KSR2: variants seen among roughly 807,000 people sequenced by gnomAD.
KSR2 encodes the protein kinase suppressor of ras 2.
KSR2 carries 25 observed loss-of-function variants against 107.8 expected under a neutral mutation model. The ratio of observed to expected loss-of-function variants is 0.23; its 90% confidence interval spans 0.17 to 0.32. KSR2 has a LOEUF of 0.32. Ranked by LOEUF, KSR2 falls within the 10% of genes least tolerant of loss-of-function variation. The pLI, the probability that KSR2 is intolerant of heterozygous loss-of-function variation, is 1.00. For synonymous variants in KSR2, 480 were observed against 507.0 expected (o/e 0.95, Z 0.71); for missense variants, 887 against 1,268.9 (o/e 0.70, Z 4.57).
At position 117,556,855 on chromosome 12, in the gene KSR2, A is replaced by G. The variant is rs1024596704; in HGVS notation, c.1394-1562T>C. Among the ~76,000 whole-genome samples, 7 of 152,288 alleles carry G rather than the reference A, an allele frequency of 4.6e-5. No homozygotes were observed. The East Asian group carries it at 1.2e-3, about 25-fold the overall frequency. Reference sequence around the variant, plus strand: ...CAGCATGACTTTAAAAGATTTTAATAAACTGCTTACATTTAAAAATAAGCA... The same window carrying G: ...CAGCATGACTTTAAAAGATTTTAATGAACTGCTTACATTTAAAAATAAGCA... On this transcript the variant is annotated intron_variant, in intron 8 of 19. Coordinates refer to ENST00000339824, the MANE Select transcript of KSR2 (RefSeq NM_173598.6).
chr12:117,859,586 A>G (rs981377139), intron 2 of KSR2, among the ~76,000 whole-genome samples: 4 of 150,740 alleles, frequency 2.7e-5, no homozygotes, highest in Non-Finnish European at 4.4e-5. Context: ...CCTCCCAAGT[A>G]GCTAGGACCA....
intron 1 of KSR2, among the ~76,000 whole-genome samples, chr12:117,938,296 C>T (rs1215071731): frequency 3.3e-5 from 5 of 151,964 alleles, no homozygotes; most frequent in African/African-American, 9.7e-5. Context: ...ATGCATTTAA[C>T]GTAAAGTGGA....
intron 5 of KSR2, among the ~76,000 whole-genome samples, chr12:117,627,491 T>A (rs1304507280): frequency 6.6e-6 from 1 of 152,220 alleles, no homozygotes; most frequent in Non-Finnish European, 1.5e-5. Context: ...AAATTCTGGG[T>A]TGAAAATTCT....
chr12:117,809,203 G>C (rs928046078), intron 3 of KSR2, among the ~76,000 whole-genome samples: 3 of 152,138 alleles, frequency 2.0e-5, no homozygotes, highest in Non-Finnish European at 4.4e-5. Context: ...CATCACCAGA[G>C]GGGCTTAGAT....
chr12:117,834,735 A>T (rs548903166), intron 3 of KSR2, among the ~76,000 whole-genome samples: 33 of 152,316 alleles, frequency 2.2e-4, no homozygotes, highest in African/African-American at 7.7e-4. Flanking sequence ...ATATATGATA[A>T]TCACACTAAT....
At chr12:117,915,458 T>C (rs906992441) in intron 1 of KSR2, among the ~76,000 whole-genome samples, 12 of 152,324 alleles carry the variant, frequency 7.9e-5, no homozygotes, top group South Asian at 2.1e-4. Context: ...TTCAGTCCAT[T>C]ACACTTAAGA....
chr12:117,620,735 C>T (rs1176871948), intron 5 of KSR2, among the ~76,000 whole-genome samples: 1 of 152,194 alleles, frequency 6.6e-6, no homozygotes. Flanking sequence ...TCTCTGTGAG[C>T]TGTGACCAAT....
At chr12:117,651,150 G>A (rs1033980205) in intron 5 of KSR2, among the ~76,000 whole-genome samples, 5 of 152,150 alleles carry the variant, frequency 3.3e-5, no homozygotes, top group Non-Finnish European at 7.3e-5. Flanking sequence ...CCCAGAAATG[G>A]CAACATCCCC....
chr12:117,870,911 G>C (rs73404897), intron 1 of KSR2, among the ~76,000 whole-genome samples: 1 of 152,072 alleles, frequency 6.6e-6, no homozygotes. Context: ...GTACTCAGCC[G>C]AGCAGGGAAA....
At chr12:117,744,122 C>A (rs1465702194) in intron 4 of KSR2, among the ~76,000 whole-genome samples, 3 of 152,136 alleles carry the variant, frequency 2.0e-5, no homozygotes, top group Admixed American at 6.5e-5. Flanking sequence ...CATGGCATAG[C>A]GGAAAGACCT....
chr12:117,839,245 G>A (rs563119011), intron 3 of KSR2, among the ~76,000 whole-genome samples: 4 of 152,298 alleles, frequency 2.6e-5, no homozygotes, highest in African/African-American at 9.6e-5. Context: ...TCATTTGTTC[G>A]TTAATTCATT....
At chr12:117,941,484 A>G (rs1003425952) in intron 1 of KSR2, among the ~76,000 whole-genome samples, 4 of 152,160 alleles carry the variant, frequency 2.6e-5, no homozygotes, top group Non-Finnish European at 5.9e-5. Context: ...CCAGCCTCTT[A>G]GCTCATCATG....
At chr12:117,666,808 G>A (rs1011025148) in intron 5 of KSR2, among the ~76,000 whole-genome samples, 6 of 152,176 alleles carry the variant, frequency 3.9e-5, no homozygotes, top group Non-Finnish European at 7.3e-5. Flanking sequence ...TATTCAGTGG[G>A]GGTGCCCCTC....
intron 1 of KSR2, among the ~76,000 whole-genome samples, chr12:117,943,412 A>G (rs1896069825): frequency 6.9e-6 from 1 of 145,802 alleles, no homozygotes. Context: ...TTCTGACTCT[A>G]GAGATCCTAA....
Position 117,845,991 on chromosome 12 carries a change from G to C in KSR2, c.472+9437C>G, listed in dbSNP as rs1205036470. Among the ~76,000 whole-genome samples, 3 of 151,526 alleles carry C rather than the reference G, an allele frequency of 2.0e-5. No homozygotes were observed. The East Asian group carries it at 5.8e-4, about 29-fold the overall frequency. ...AGGCGTGAACCACCGCACCCACCCA[G>C]AACTGAGATCTCTCCAAAGAAAAAG... On this transcript the variant is annotated intron_variant, in intron 3 of 19. Coordinates refer to ENST00000339824, the MANE Select transcript of KSR2 (RefSeq NM_173598.6).
At chr12:117,771,399 T>C (rs549976930) in intron 3 of KSR2, among the ~76,000 whole-genome samples, 2 of 152,298 alleles carry the variant, frequency 1.3e-5, no homozygotes, top group South Asian at 4.1e-4. Context: ...CTGATTGATG[T>C]TTCATGTCTC....
At chr12:117,643,798 C>G (rs1883489620) in intron 5 of KSR2, among the ~76,000 whole-genome samples, 1 of 152,148 alleles carries the variant, frequency 6.6e-6, no homozygotes, top group Non-Finnish European at 1.5e-5. Context: ...TGCAGTGGAT[C>G]CACAGAACCA....
At chr12:117,941,069 A>G (rs1410363229) in intron 1 of KSR2, among the ~76,000 whole-genome samples, 1 of 152,148 alleles carries the variant, frequency 6.6e-6, no homozygotes, top group African/African-American at 2.4e-5. Flanking sequence ...TGGGTGACAG[A>G]GCAAGATTGT....
intron 1 of KSR2, among the ~76,000 whole-genome samples, chr12:117,901,182 C>CA (rs1411184544): frequency 6.7e-6 from 1 of 150,254 alleles, no homozygotes; most frequent in Non-Finnish European, 1.5e-5. Flanking sequence ...GGGAGGCTGC[C>CA]AAAAAAACGC....
Sources: allele counts gnomAD v4.1 joint callset (sites outside exome capture counted in the v4.1 genomes callset), GRCh38; gene constraint gnomAD v4.1.1; transcripts MANE v1.5; gene names NCBI Gene and HGNC (gene_info 2026-07-23, HGNC 2026-07-21).